The following IL2RB variants were observed in gnomAD, a reference collection of about 807,000 sequenced individuals.
The protein encoded by IL2RB is interleukin 2 receptor subunit beta.
IL2RB carries 17 observed loss-of-function variants against 44.2 expected under a neutral mutation model. The observed-to-expected ratio is 0.38, with a 90% CI of 0.26 to 0.58. The LOEUF (loss-of-function observed/expected upper bound fraction) is 0.58. Ranked by LOEUF, IL2RB falls within the 20% of genes least tolerant of loss-of-function variation. The probability of loss-of-function intolerance (pLI) is 0.63; values close to 1 mark genes in which losing one functional copy is unlikely to be tolerated. For synonymous variants in IL2RB, 286 were observed against 297.9 expected (o/e 0.96, Z 0.41); for missense variants, 624 against 685.5 (o/e 0.91, Z 1.00).
At chr22:37,132,262 G>T in intron 9 of IL2RB, 122 bp downstream of exon 9, 1 of 690,622 alleles carries the variant, frequency 1.4e-6, no homozygotes, top group Non-Finnish European at 2.5e-6. Flanking sequence ...TGCACACCCC[G>T]GAGGCTGCTC....
At position 37,163,278 on chromosome 22, in the gene IL2RB, C is replaced by A. The variant is rs229490; in HGVS notation, c.-34+11680G>T. ...AGCTGCAGAGACCCCTTTGAGGCAC[C>A]AACCTCCAGCTGTTTGCTGGCTTCA... On this transcript the variant is annotated intron_variant, in intron 1 of 5. Coordinates refer to the IL2RB transcript ENST00000429622. Among the ~76,000 whole-genome samples the A allele has an allele frequency of 6.4e-3, 975 of 152,270 alleles. 15 individuals carry two copies. The highest frequency in any genetic ancestry group is 0.022 in the African/African-American group (896 of 41,558).
chr22:37,160,543 A>T (rs1186253693), intron 1 of IL2RB, among the ~76,000 whole-genome samples: 1 of 152,220 alleles, frequency 6.6e-6, no homozygotes, highest in African/African-American at 2.4e-5. Context: ...TGTCTGCACC[A>T]TACTACCAGG....
intron 4 of IL2RB, 27 bp from the exon 5 acceptor site, chr22:37,139,249 A>G: frequency 6.6e-7 from 1 of 1,515,158 alleles, no homozygotes; most frequent in Non-Finnish European, 9.1e-7. Flanking sequence ...GCAGGGGTGA[A>G]ACTTCTAGCA....
intron 1 of IL2RB, among the ~76,000 whole-genome samples, chr22:37,174,785 G>A (rs1018430325): frequency 1.3e-5 from 2 of 152,184 alleles, no homozygotes; most frequent in Non-Finnish European, 2.9e-5. Context: ...GACCTGGCGG[G>A]TGATACCCAG....
chr22:37,171,814 A>G (rs1601616798), intron 1 of IL2RB, among the ~76,000 whole-genome samples: 1 of 152,286 alleles, frequency 6.6e-6, no homozygotes. Context: ...GCTGCTCACA[A>G]TCCTCTTCTT....
At chr22:37,158,717 C>T (rs1199251016) in intron 1 of IL2RB, among the ~76,000 whole-genome samples, 1 of 152,184 alleles carries the variant, frequency 6.6e-6, no homozygotes, top group East Asian at 1.9e-4. Flanking sequence ...ATGAGTGTGG[C>T]ATACGTCTGT....
Position 37,141,281 on chromosome 22 carries a change from A to G in IL2RB, c.282+1153T>C, listed in dbSNP as rs1921957039. The stretch of plus-strand genomic sequence containing the variant: ...ATCTTGCAAGCAGGGAGCACGCAGG[A>G]GACCCACCCTCCCGGGCACAGCTGC... On this transcript the variant is annotated intron_variant, in intron 4 of 9. Transcript: ENST00000216223. This position sits in a 1 kb window ranked among gnomAD's most constrained non-coding sequence, Gnocchi z 4.4. Among the ~76,000 whole-genome samples the G allele has an allele frequency of 6.6e-6, 1 of 152,140 alleles. No homozygotes were observed. Among genetic ancestry groups the G allele is most frequent in the African/African-American group, 2.4e-5 (1 of 41,430 alleles).
rs180697950 is a variant in IL2RB, at chr22:37,155,606, G to C, written c.-33-11401C>G. ...ATCCTACCAGAATGTGGCAGAGCCAGGATTAGAACCTAGGTCTGTCCCAGA... is the reference window on the plus strand; with the variant it reads ...ATCCTACCAGAATGTGGCAGAGCCACGATTAGAACCTAGGTCTGTCCCAGA... On this transcript the variant is annotated intron_variant, in intron 1 of 5. Coordinates refer to the IL2RB transcript ENST00000429622. 5.9e-5 allele frequency among the ~76,000 whole-genome samples: 9 copies of C among 152,308 alleles called. No individual in the cohort carries two copies. In the East Asian group the frequency reaches 1.7e-3, roughly 29 times the overall value.
intron 6 of IL2RB, among the ~76,000 whole-genome samples, chr22:37,137,374 C>T (rs1364887695): frequency 6.6e-6 from 1 of 152,194 alleles, no homozygotes; most frequent in African/African-American, 2.4e-5. Flanking sequence ...CAGCCTGGAA[C>T]CTGCTGCCAG....
intron 1 of IL2RB, among the ~76,000 whole-genome samples, chr22:37,147,944 C>A (rs1922305143): frequency 6.6e-6 from 1 of 152,232 alleles, no homozygotes; most frequent in South Asian, 2.1e-4. Context: ...GCCAACCTGG[C>A]CCTGGGGCAA....
intron 3 of IL2RB, 129 bp from the exon 4 acceptor site, chr22:37,142,641 C>A: frequency 1.2e-6 from 1 of 861,818 alleles, no homozygotes; most frequent in Non-Finnish European, 2.0e-6. Flanking sequence ...GCCCCTGTGC[C>A]AACCACTGTG....
chr22:37,142,615 G>T (rs751338769), intron 3 of IL2RB, 103 bp from the exon 4 acceptor site: 11 of 1,231,412 alleles, frequency 8.9e-6, no homozygotes, highest in African/African-American at 1.5e-5. Context: ...GCACCAGGCA[G>T]CAAGGCCAGG....
At position 37,144,157 on chromosome 22, in the gene IL2RB, G is replaced by T. The variant is rs973200850; in HGVS notation, c.16C>A (p.Leu6Met). 6.4e-7 allele frequency: 1 copy of T among 1,551,546 alleles called. No individual in the cohort carries two copies. The highest frequency in any genetic ancestry group is 2.4e-5 in the East Asian group (1 of 40,966). The change falls in exon 2 of 10, where the codon CTG becomes ATG. Residue 6 changes from leucine (L) to methionine (M), a missense_variant. Around this residue, in one of 3 missense-constraint regions of IL2RB, gnomAD observed 78 missense variants for 70.0 expected, o/e 1.11. Coordinates refer to ENST00000216223, the MANE Select transcript of IL2RB (RefSeq NM_000878.5). The part of the protein sequence containing the change: MAAPA[L>M]SWRLPLLILL... ...ATGAGGAGGGGCAGACGCCAGGACA[G>T]AGCAGGGGCCGCCATTACATCCACA...
intron 1 of IL2RB, among the ~76,000 whole-genome samples, chr22:37,155,224 C>G (rs1423318953): frequency 2.6e-5 from 4 of 152,254 alleles, no homozygotes; most frequent in African/African-American, 9.6e-5. Context: ...CTGCTCAGAG[C>G]CGTGTCATCT....
intron 1 of IL2RB, among the ~76,000 whole-genome samples, chr22:37,158,719 T>C (rs1483096804): frequency 6.6e-6 from 1 of 152,226 alleles, no homozygotes; most frequent in Non-Finnish European, 1.5e-5. Context: ...GAGTGTGGCA[T>C]ACGTCTGTGA....
rs556313272 is a variant in IL2RB, at chr22:37,141,170, G to A, written c.282+1264C>T. ...AGGCAAGAGCCCCGCTCTCCTGGGC[G>A]CAGCTGCAGCCACCCAAGTCGTGGC... On this transcript the variant is annotated intron_variant, in intron 4 of 9. Transcript: ENST00000216223. The surrounding 1 kb of genome is among the most constrained non-coding windows in gnomAD (Gnocchi z 4.4). Among the ~76,000 whole-genome samples the A allele has an allele frequency of 1.1e-4, 16 of 151,986 alleles. No homozygotes were observed. The highest frequency in any genetic ancestry group is 3.9e-4 in the African/African-American group (16 of 41,444).
chr22:37,169,729 T>C (rs1455071260), intron 1 of IL2RB, among the ~76,000 whole-genome samples: 7 of 152,144 alleles, frequency 4.6e-5, no homozygotes. Context: ...GGACTCATCA[T>C]CCTTCAGGCC....
chr22:37,154,564 T>TC (rs1410147327), upstream of IL2RB, among the ~76,000 whole-genome samples: 1 of 134,284 alleles, frequency 7.4e-6, no homozygotes, highest in Non-Finnish European at 1.7e-5. Context: ...CCTCTATCTC[T>TC]CTTTTTTTTT....
intron 1 of IL2RB, among the ~76,000 whole-genome samples, chr22:37,159,790 C>T (rs138988491): frequency 1.9e-4 from 29 of 152,330 alleles, no homozygotes; most frequent in Middle Eastern, 3.4e-3. Context: ...AGTGCCTGAC[C>T]AGTGACAAGG....
Sources: allele counts gnomAD v4.1 joint callset (sites outside exome capture counted in the v4.1 genomes callset), GRCh38; gene constraint gnomAD v4.1.1; regional missense constraint gnomAD v4.1.1; non-coding constraint Gnocchi (gnomAD v3.1); transcripts MANE v1.5; gene names NCBI Gene and HGNC (gene_info 2026-07-23, HGNC 2026-07-21).